Variants in PDE7A observed in about 807,000 individuals in gnomAD.
PDE7A encodes high affinity 3',5'-cyclic-AMP phosphodiesterase 7A.
Under a neutral mutation model 64.3 loss-of-function variants are expected in PDE7A, and 39 were observed. The observed-to-expected ratio is 0.61, with a 90% CI of 0.47 to 0.79. PDE7A has a LOEUF of 0.79. Among genes scored for constraint, PDE7A ranks in the 30% least tolerant of loss-of-function variants. The pLI is 0.00. For missense variants in PDE7A, 470 were observed against 582.8 expected, an observed-to-expected ratio of 0.81 and a Z score of 1.99; for synonymous variants, 203 against 206.8, an observed-to-expected ratio of 0.98 and a Z score of 0.16.
At chr8:65,769,814 T>G (rs1453290424) in intron 3 of PDE7A, among the ~76,000 whole-genome samples, 1 of 152,156 alleles carries the variant, frequency 6.6e-6, no homozygotes, top group East Asian at 1.9e-4. Context: ...GAGAATTGCT[T>G]GAACCCAGGA....
intron 12 of PDE7A, chr8:65,722,953 G>A (rs1365006760): frequency 6.6e-6 from 1 of 152,210 alleles, no homozygotes; most frequent in Non-Finnish European, 1.5e-5. Flanking sequence ...CACAAAGAGC[G>A]AAAGAACAGC....
chr8:65,752,559 T>C (rs1347473489), intron 3 of PDE7A, among the ~76,000 whole-genome samples: 1 of 152,174 alleles, frequency 6.6e-6, no homozygotes, highest in Non-Finnish European at 1.5e-5. Flanking sequence ...CTAGGTATTT[T>C]TGTATGGCCG....
intron 3 of PDE7A, among the ~76,000 whole-genome samples, chr8:65,770,428 C>G (rs1323430150): frequency 1.3e-5 from 2 of 152,156 alleles, no homozygotes; most frequent in Non-Finnish European, 2.9e-5. Context: ...CTTATAAAAT[C>G]ATCAGATTTC....
chr8:65,761,071 T>G (rs1181049797), intron 3 of PDE7A, among the ~76,000 whole-genome samples: 1 of 152,066 alleles, frequency 6.6e-6, no homozygotes, highest in Non-Finnish European at 1.5e-5. Flanking sequence ...TTTCTTTTTT[T>G]TTTTTTTAGA....
At chr8:65,735,782 T>C (rs964798824) in intron 6 of PDE7A, among the ~76,000 whole-genome samples, 1 of 152,122 alleles carries the variant, frequency 6.6e-6, no homozygotes, top group African/African-American at 2.4e-5. Context: ...CCTGCCATCA[T>C]GCTCGGCTAA....
intron 9 of PDE7A, 98 bp from the exon 10 acceptor site, chr8:65,725,019 C>A: frequency 1.7e-6 from 1 of 605,412 alleles, no homozygotes; most frequent in Non-Finnish European, 2.6e-6. Flanking sequence ...CTTTATAGAA[C>A]CCTAAAATAT....
intron 1 of PDE7A, among the ~76,000 whole-genome samples, chr8:65,808,580 G>A (rs1346228984): frequency 6.6e-6 from 1 of 151,956 alleles, no homozygotes; most frequent in East Asian, 1.9e-4. Flanking sequence ...TGTTCACAAT[G>A]TTATTATCTC....
chr8:65,804,192 A>G (rs956226003), intron 1 of PDE7A, among the ~76,000 whole-genome samples: 7 of 152,214 alleles, frequency 4.6e-5, no homozygotes, highest in Non-Finnish European at 1.0e-4. Flanking sequence ...CAAAGACAGA[A>G]TATCATTTTT....
chr8:65,723,987 G>A (rs977129755), intron 11 of PDE7A, among the ~76,000 whole-genome samples: 2 of 151,996 alleles, frequency 1.3e-5, no homozygotes, highest in Non-Finnish European at 2.9e-5. Flanking sequence ...GCAAGTTCAG[G>A]GAAATCTTTC....
rs1179431555 is a variant in PDE7A, at chr8:65,730,171, C to CTTTTTTTTTTTTTTTTTT, written c.697-2888_697-2871dup. On this transcript the variant is annotated intron_variant, in intron 7 of 12. Coordinates refer to ENST00000401827, the MANE Select transcript of PDE7A (RefSeq NM_001242318.3). ...TGTGAGGGATCCAGGTTGCGCACTTCTTTTTTTTTTTTTTTTTTTTTTTTT... is the reference window on the plus strand; with the variant it reads ...TGTGAGGGATCCAGGTTGCGCACTTCTTTTTTTTTTTTTTTTTTTTTTTTTTTTTTTTTTTTTTTTTTT... 5.0e-4 allele frequency among the ~76,000 whole-genome samples: 43 copies of CTTTTTTTTTTTTTTTTTT among 86,444 alleles called. 6 individuals are homozygous for CTTTTTTTTTTTTTTTTTT. The highest frequency in any genetic ancestry group is 7.1e-4 in the Admixed American group (5 of 7,008). 56.7% of individuals were successfully genotyped at this position (86,444 alleles called of 152,430 possible).
Position 65,714,389 on chromosome 8 carries a change from A to G in PDE7A, c.*4901T>C, listed in dbSNP as rs1176789896. ...CCCAATGTACACCAGCCCTATGGTGAGCACAGGAACCAGGAAGATGGAGGA... is the reference window on the plus strand; with the variant it reads ...CCCAATGTACACCAGCCCTATGGTGGGCACAGGAACCAGGAAGATGGAGGA... On this transcript the variant is annotated 3_prime_UTR_variant, in exon 13 of 13. Transcript: ENST00000401827. The G allele has an allele frequency of 6.6e-6, 1 of 152,072 alleles. No individual in the cohort carries two copies. Among genetic ancestry groups the G allele is most frequent in the African/African-American group, 2.4e-5 (1 of 41,404 alleles). 9.4% of individuals were successfully genotyped at this position (152,072 alleles called of 1,614,324 possible). A position where few individuals can be genotyped will look rare whatever the true frequency, so the allele number is the denominator to read the frequency against.
At chr8:65,832,065 CAATT>C (rs1370247726) in intron 1 of PDE7A, among the ~76,000 whole-genome samples, 6 of 152,060 alleles carry the variant, frequency 3.9e-5, no homozygotes, top group African/African-American at 7.2e-5. Context: ...TTTTTAAACA[CAATT>C]AAGATAATCT....
intron 3 of PDE7A, among the ~76,000 whole-genome samples, chr8:65,766,419 G>C (rs980862808): frequency 1.1e-4 from 17 of 152,322 alleles, no homozygotes; most frequent in African/African-American, 4.1e-4. Flanking sequence ...TTACTCAAAA[G>C]AGTGAAACTA....
At chr8:65,836,435 T>C (rs1476529212) in intron 1 of PDE7A, among the ~76,000 whole-genome samples, 1 of 152,204 alleles carries the variant, frequency 6.6e-6, no homozygotes, top group Admixed American at 6.5e-5. Context: ...TGTCTAATAA[T>C]ATATGATTGG....
intron 3 of PDE7A, chr8:65,771,286 T>G (rs1381989892): frequency 1.3e-5 from 2 of 152,816 alleles, no homozygotes; most frequent in African/African-American, 2.4e-5. Flanking sequence ...GCAATATAGA[T>G]GTCTAATTTC....
At chr8:65,823,663 C>T (rs1413311292) in intron 1 of PDE7A, among the ~76,000 whole-genome samples, 1 of 151,966 alleles carries the variant, frequency 6.6e-6, no homozygotes, top group African/African-American at 2.4e-5. Flanking sequence ...TCACCTTTAC[C>T]ATATATTAAA....
In PDE7A at chr8:65,774,479, C is replaced by T. The variant is rs1481223002; in HGVS notation, c.283+5241G>A. Among the ~76,000 whole-genome samples the T allele has an allele frequency of 3.3e-5, 5 of 152,020 alleles. No homozygotes were observed. The East Asian group carries it at 9.6e-4, about 29-fold the overall frequency. ...CCCTCAGGCTTTTAGAGAGATAACT[C>T]TTACACAACTTTCTCTAACATATTG... On this transcript the variant is annotated intron_variant, in intron 3 of 12. Transcript: ENST00000401827.
chr8:65,756,162 C>A (rs185321493), intron 3 of PDE7A, among the ~76,000 whole-genome samples: 103 of 152,282 alleles, frequency 6.8e-4, no homozygotes, highest in Admixed American at 3.1e-3. Flanking sequence ...TTGTACAAGA[C>A]AAGTTGCTTC....
intron 3 of PDE7A, among the ~76,000 whole-genome samples, chr8:65,754,305 T>A (rs1319824548): frequency 6.6e-6 from 1 of 151,986 alleles, no homozygotes; most frequent in Non-Finnish European, 1.5e-5. Flanking sequence ...CAAATGTTAA[T>A]CTCTTTTGGT....
Sources: allele counts gnomAD v4.1 joint callset (sites outside exome capture counted in the v4.1 genomes callset), GRCh38; gene constraint gnomAD v4.1.1; transcripts MANE v1.5; gene names NCBI Gene and HGNC (gene_info 2026-07-23, HGNC 2026-07-21).